Variants in RAB5A observed in about 807,000 individuals in gnomAD.
RAB5A encodes the protein RAB5A, member RAS oncogene family.
RAB5A carries 8 observed loss-of-function variants against 25.7 expected under a neutral mutation model. That is an observed-to-expected ratio of 0.31 (90% CI 0.18 to 0.56). The LOEUF is 0.56. Among genes scored for constraint, RAB5A ranks in the 20% least tolerant of loss-of-function variants. The pLI, the probability that RAB5A is intolerant of heterozygous loss-of-function variation, is 0.91. For synonymous variants in RAB5A, 98 were observed against 89.8 expected (o/e 1.09, Z -0.52); for missense variants, 192 against 259.7 (o/e 0.74, Z 1.79).
At chr3:19,975,896 TAAAAA>T (rs140496148) in intron 3 of RAB5A, 144 bp downstream of exon 3, 1 of 1,281,014 alleles carries the variant, frequency 7.8e-7, no homozygotes, top group Non-Finnish European at 1.1e-6. Context: ...AATCTGGTTT[TAAAAA>T]AAAACGAAAA....
At chr3:19,962,972 T>C (rs978023747) in intron 2 of RAB5A, among the ~76,000 whole-genome samples, 3 of 152,190 alleles carry the variant, frequency 2.0e-5, no homozygotes, top group Middle Eastern at 3.4e-3. Flanking sequence ...ACCAACACAC[T>C]TGGCTGATTT....
intron 2 of RAB5A, among the ~76,000 whole-genome samples, chr3:19,964,372 CCT>C (rs10588269): frequency 0.2 from 30,896 of 151,796 alleles, 3,758 homozygotes; most frequent in African/African-American, 0.34. Context: ...TAACTCGTAC[CCT>C]GTCATTTTTT....
At chr3:19,965,419 T>TAAA (rs35939974) in intron 2 of RAB5A, among the ~76,000 whole-genome samples, 1 of 141,710 alleles carries the variant, frequency 7.1e-6, no homozygotes. Flanking sequence ...GACCCTGTCT[T>TAAA]AAAAAAAAAA....
Position 19,961,499 on chromosome 3 carries a change from A to G in RAB5A, c.163+10438A>G, listed in dbSNP as rs562177076. Among the ~76,000 whole-genome samples the G allele has an allele frequency of 1.3e-3, 204 of 152,334 alleles. 2 individuals carry two copies. The highest frequency in any genetic ancestry group is 6.8e-3 in the Middle Eastern group (2 of 294). ...GGGGCCTTCTTGCTATGTATCACTTAAGGAAAATAATGTGAAAGTATTTTG... is the reference window on the plus strand; with the variant it reads ...GGGGCCTTCTTGCTATGTATCACTTGAGGAAAATAATGTGAAAGTATTTTG... On this transcript the variant is annotated intron_variant, in intron 2 of 5. Transcript: ENST00000273047.
chr3:19,956,269 G>A (rs1201216546), intron 2 of RAB5A, among the ~76,000 whole-genome samples: 1 of 152,128 alleles, frequency 6.6e-6, no homozygotes, highest in Non-Finnish European at 1.5e-5. Context: ...TCAGGAGTTC[G>A]AGACCAGCCT....
chr3:19,980,784 C>G (rs1235739590), intron 5 of RAB5A, among the ~76,000 whole-genome samples: 2 of 152,134 alleles, frequency 1.3e-5, no homozygotes, highest in Non-Finnish European at 2.9e-5. Flanking sequence ...GCTATTTATG[C>G]TACCAGCCCA....
At chr3:19,952,098 C>T (rs1170457951) in intron 2 of RAB5A, among the ~76,000 whole-genome samples, 1 of 152,044 alleles carries the variant, frequency 6.6e-6, no homozygotes, top group African/African-American at 2.4e-5. Flanking sequence ...CCTGTAGTCC[C>T]AGGTATTTGG....
intron 5 of RAB5A, among the ~76,000 whole-genome samples, chr3:19,982,410 GC>G (rs1215187837): frequency 1.3e-5 from 2 of 152,160 alleles, no homozygotes; most frequent in African/African-American, 2.4e-5. Flanking sequence ...TTTGACACAT[GC>G]AGGCATCTAA....
intron 2 of RAB5A, among the ~76,000 whole-genome samples, chr3:19,971,313 A>G (rs1021039026): frequency 6.6e-6 from 1 of 152,144 alleles, no homozygotes; most frequent in Middle Eastern, 3.4e-3. Flanking sequence ...GGGCTACACT[A>G]TTCCAGTAAT....
chr3:19,953,977 C>T (rs970211558), intron 2 of RAB5A, among the ~76,000 whole-genome samples: 2 of 152,060 alleles, frequency 1.3e-5, no homozygotes, highest in Non-Finnish European at 2.9e-5. Flanking sequence ...TAGAAGTTAC[C>T]TGAAAAATGA....
intron 2 of RAB5A, among the ~76,000 whole-genome samples, chr3:19,962,583 C>T (rs1442995553): frequency 1.3e-5 from 2 of 151,912 alleles, no homozygotes; most frequent in African/African-American, 4.8e-5. Flanking sequence ...AAAAAAAGTA[C>T]TGTCTGCCGT....
At chr3:19,982,525 TGGTTACTC>T (rs1332376148) in intron 5 of RAB5A, among the ~76,000 whole-genome samples, 1 of 152,158 alleles carries the variant, frequency 6.6e-6, no homozygotes, top group East Asian at 1.9e-4. Flanking sequence ...AGGCAGCTGA[TGGTTACTC>T]TGCAAGGTGT....
intron 2 of RAB5A, among the ~76,000 whole-genome samples, chr3:19,970,328 G>A (rs1270192625): frequency 2.0e-5 from 3 of 152,154 alleles, no homozygotes; most frequent in Admixed American, 2.0e-4. Context: ...TAGGCCTTTG[G>A]TATTTGCAGA....
intron 1 of RAB5A, among the ~76,000 whole-genome samples, chr3:19,949,357 C>T (rs1383880270): frequency 2.6e-5 from 4 of 152,186 alleles, no homozygotes; most frequent in African/African-American, 7.2e-5. Context: ...GTATTATAAG[C>T]TCATTTTATG....
intron 5 of RAB5A, chr3:19,979,992 C>G (rs1289571341): frequency 6.6e-6 from 1 of 152,214 alleles, no homozygotes; most frequent in African/African-American, 2.4e-5. Flanking sequence ...TTATTTTTCA[C>G]TAGGTGACAG....
At chr3:19,961,514 A>G (rs1323068009) in intron 2 of RAB5A, among the ~76,000 whole-genome samples, 1 of 152,204 alleles carries the variant, frequency 6.6e-6, no homozygotes, top group African/African-American at 2.4e-5. Flanking sequence ...AAATAATGTG[A>G]AAGTATTTTG....
chr3:19,956,790 A>G (rs769462914), intron 2 of RAB5A, among the ~76,000 whole-genome samples: 19 of 152,248 alleles, frequency 1.2e-4, no homozygotes, highest in Non-Finnish European at 2.8e-4. Context: ...AGTTACCATC[A>G]CCACTGTTAA....
At chr3:19,969,251 C>G (rs1696710174) in intron 2 of RAB5A, among the ~76,000 whole-genome samples, 1 of 151,804 alleles carries the variant, frequency 6.6e-6, no homozygotes, top group African/African-American at 2.4e-5. Context: ...TCACCATGTT[C>G]CTGGCTGGTC....
chr3:19,975,825 G>A, intron 3 of RAB5A, 73 bp downstream of exon 3: 2 of 1,460,942 alleles, frequency 1.4e-6, no homozygotes, highest in South Asian at 1.3e-5. Context: ...TTGATTAAAT[G>A]TTTTGGAAAA....
Sources: gnomAD v4.1 joint callset for allele counts (sites outside exome capture counted in the v4.1 genomes callset) on GRCh38, gnomAD v4.1.1 for gene constraint, MANE v1.5 for transcripts, NCBI Gene and HGNC (gene_info 2026-07-23, HGNC 2026-07-21) for gene names.